The following PDE8B variants were observed in gnomAD, a reference collection of about 807,000 sequenced individuals.
PDE8B encodes high affinity cAMP-specific and IBMX-insensitive 3',5'-cyclic phosphodiesterase 8B.
PDE8B carries 26 observed loss-of-function variants against 101.3 expected under a neutral mutation model. The observed-to-expected ratio is 0.26, with a 90% CI of 0.19 to 0.36. The LOEUF is 0.36. Among genes scored for constraint, PDE8B ranks in the 10% least tolerant of loss-of-function variants. PDE8B has a pLI of 1.00. For missense variants in PDE8B, 810 were observed against 1,163.1 expected, an observed-to-expected ratio of 0.70 and a Z score of 4.42; for synonymous variants, 424 against 429.3, an observed-to-expected ratio of 0.99 and a Z score of 0.15.
intron 1 of PDE8B, among the ~76,000 whole-genome samples, chr5:77,274,841 C>G (rs1763526307): frequency 6.6e-6 from 1 of 152,102 alleles, no homozygotes; most frequent in South Asian, 2.1e-4. Context: ...AGACTGCACC[C>G]ATGCCATGCA....
At chr5:77,391,628 T>C (rs1391914996) in intron 10 of PDE8B, among the ~76,000 whole-genome samples, 1 of 152,198 alleles carries the variant, frequency 6.6e-6, no homozygotes, top group African/African-American at 2.4e-5. Context: ...AAGCAGGATG[T>C]GCATGTGCAC....
chr5:77,424,336 A>G (rs1797428262), intron 20 of PDE8B, among the ~76,000 whole-genome samples: 1 of 152,210 alleles, frequency 6.6e-6, no homozygotes, highest in South Asian at 2.1e-4. Context: ...CCTTTTCCCA[A>G]AAAGCAATGT....
At chr5:77,389,716 G>A (rs985090368) in intron 10 of PDE8B, among the ~76,000 whole-genome samples, 8 of 152,260 alleles carry the variant, frequency 5.3e-5, no homozygotes, top group African/African-American at 1.9e-4. Context: ...GAGTTTGAGT[G>A]TATACTGTCA....
At chr5:77,364,948 C>T (rs560256325) in intron 10 of PDE8B, among the ~76,000 whole-genome samples, 2 of 152,124 alleles carry the variant, frequency 1.3e-5, no homozygotes, top group African/African-American at 2.4e-5. Context: ...TAAGTCTATT[C>T]GCAGAGCTTT....
upstream of PDE8B, among the ~76,000 whole-genome samples, chr5:77,208,629 G>A (rs532516702): frequency 3.9e-4 from 60 of 152,172 alleles, no homozygotes; most frequent in Non-Finnish European, 8.1e-4. Flanking sequence ...GATGGGACAA[G>A]GAAACATGGA....
chr5:77,277,616 T>C (rs1764102027), intron 1 of PDE8B, among the ~76,000 whole-genome samples: 1 of 152,220 alleles, frequency 6.6e-6, no homozygotes, highest in Admixed American at 6.5e-5. Flanking sequence ...CTGTGTCCTG[T>C]TTTTGATCTA....
At chr5:77,331,914 G>A (rs1298341871) in intron 5 of PDE8B, among the ~76,000 whole-genome samples, 2 of 152,218 alleles carry the variant, frequency 1.3e-5, no homozygotes, top group South Asian at 2.1e-4. Flanking sequence ...GTAAACTCCC[G>A]GTTGAAACCA....
intron 11 of PDE8B, among the ~76,000 whole-genome samples, chr5:77,400,870 A>T (rs1186779971): frequency 1.3e-5 from 2 of 151,864 alleles, no homozygotes; most frequent in Non-Finnish European, 2.9e-5. Flanking sequence ...TGACCATTAG[A>T]GGGAAAAAAA....
the PDE8B span, among the ~76,000 whole-genome samples, chr5:77,117,157 C>T: frequency 2.0e-5 from 3 of 152,078 alleles, no homozygotes; most frequent in Admixed American, 1.3e-4. Flanking sequence ...TGCTAAGGGG[C>T]GGGTAGAGGT....
At chr5:77,115,169 A>G in the PDE8B span, 47 of 152,302 alleles carry the variant, frequency 3.1e-4, no homozygotes, top group African/African-American at 1.1e-3. Context: ...GGGAAAACAT[A>G]TCTTTGTGTT....
chr5:77,146,674 C>A, the PDE8B span: 1 of 298,970 alleles, frequency 3.3e-6, no homozygotes, highest in South Asian at 4.1e-5. Context: ...ATGGTTCAGT[C>A]AACTTCTCAG....
intron 20 of PDE8B, among the ~76,000 whole-genome samples, chr5:77,425,532 A>C (rs1325315029): frequency 1.3e-5 from 2 of 152,170 alleles, no homozygotes; most frequent in Non-Finnish European, 2.9e-5. Context: ...CAGCTTGGGC[A>C]ACAGAGTGAG....
chr5:77,206,899 C>T (rs1193634365), upstream of PDE8B, among the ~76,000 whole-genome samples: 1 of 152,138 alleles, frequency 6.6e-6, no homozygotes, highest in Non-Finnish European at 1.5e-5. Context: ...TAAAATGAAG[C>T]AAAAATTTCA....
In PDE8B at chr5:77,351,108, G is replaced by A. The variant is rs1473521612; in HGVS notation, c.1061G>A (p.Ser354Asn). 1.7e-5 allele frequency: 28 copies of A among 1,614,084 alleles called. No homozygotes were observed. The highest frequency in any genetic ancestry group is 2.0e-5 in the Non-Finnish European group (24 of 1,179,910). Reference protein sequence around the residue: ...VYYARRKSGDSIQQHVKITPV... With the variant: ...VYYARRKSGDNIQQHVKITPV... ...TATGCCAGACGGAAATCCGGGGACA[G>A]CATCCAACAGCACGTGAAGATCACC... Residue 354 changes from serine to asparagine, a missense_variant, in exon 9 of 22, where the codon AGC becomes AAC. This residue lies in a region of PDE8B where 251 missense variants were observed against 378.8 expected (regional missense o/e 0.66). Coordinates refer to ENST00000264917, the MANE Select transcript of PDE8B (RefSeq NM_003719.5).
chr5:77,139,007 C>G, the PDE8B span, among the ~76,000 whole-genome samples: 6 of 152,288 alleles, frequency 3.9e-5, no homozygotes, highest in South Asian at 1.0e-3. Context: ...AAAGAAATGT[C>G]AAGCCATTAA....
rs1366214725 is a variant in PDE8B, at chr5:77,291,189, CTGTT to C, written c.340-20801_340-20798del. The C allele has an allele frequency of 6.8e-6, 11 of 1,610,810 alleles. No individual in the cohort carries two copies. The Admixed American group carries it at 8.3e-5, about 12-fold the overall frequency. On this transcript the variant is annotated intron_variant, in intron 1 of 21. Coordinates refer to ENST00000264917, the MANE Select transcript of PDE8B (RefSeq NM_003719.5). ...CCAGAGGTGTACCACTGCGAGGCGA[CTGTT>C]TGTACATGAAAGCATCCATCATGAG...
chr5:77,224,386 G>A (rs1250894675), intron 1 of PDE8B, among the ~76,000 whole-genome samples: 1 of 152,164 alleles, frequency 6.6e-6, no homozygotes, highest in Admixed American at 6.5e-5. Context: ...CAAATGTAGT[G>A]AGAATAGGAT....
At chr5:77,129,920 T>G in the PDE8B span, among the ~76,000 whole-genome samples, 1 of 152,162 alleles carries the variant, frequency 6.6e-6, no homozygotes, top group African/African-American at 2.4e-5. Context: ...GAAATTGAAT[T>G]TTTAAAGTAT....
At chr5:77,142,756 C>A in the PDE8B span, among the ~76,000 whole-genome samples, 1 of 151,798 alleles carries the variant, frequency 6.6e-6, no homozygotes, top group African/African-American at 2.4e-5. Context: ...CCAAATTATT[C>A]CCTTCATGTA....
Sources: allele counts gnomAD v4.1 joint callset (sites outside exome capture counted in the v4.1 genomes callset), GRCh38; gene constraint gnomAD v4.1.1; regional missense constraint gnomAD v4.1.1; transcripts MANE v1.5; gene names NCBI Gene and HGNC (gene_info 2026-07-23, HGNC 2026-07-21).